LAMA3: variants seen among roughly 807,000 people sequenced by gnomAD.
LAMA3 encodes laminin subunit alpha 3.
A neutral mutation model predicts 402.0 loss-of-function variants in LAMA3; 281 were observed. The observed-to-expected ratio is 0.70, with a 90% CI of 0.63 to 0.77. The LOEUF is 0.77. Ranked by LOEUF, LAMA3 falls within the 30% of genes least tolerant of loss-of-function variation. The pLI is 0.00. For synonymous variants in LAMA3, 1,431 were observed against 1,558.4 expected, an observed-to-expected ratio of 0.92 and a Z score of 1.93; for missense variants, 3,840 against 4,215.5, an observed-to-expected ratio of 0.91 and a Z score of 2.47.
At position 23,861,825 on chromosome 18, in the gene LAMA3, T is replaced by C; in HGVS notation, c.4584+18T>C. 1.2e-6 allele frequency: 2 copies of C among 1,606,560 alleles called. No individual in the cohort carries two copies. Among genetic ancestry groups the C allele is most frequent in the Non-Finnish European group, 1.7e-6 (2 of 1,175,942 alleles). Reference sequence around the variant, plus strand: ...GGGACAAGGTAATGATGTCCTGCTGTTCTTCTGGGCCCTCAGTGGGCCTCT... The same window carrying C: ...GGGACAAGGTAATGATGTCCTGCTGCTCTTCTGGGCCCTCAGTGGGCCTCT... On this transcript the variant is annotated intron_variant, in intron 35 of 74. Coordinates refer to ENST00000313654, the MANE Select transcript of LAMA3 (RefSeq NM_198129.4).
intron 6 of LAMA3, among the ~76,000 whole-genome samples, chr18:23,756,616 G>A (rs954359551): frequency 1.3e-5 from 2 of 152,172 alleles, no homozygotes; most frequent in African/African-American, 4.8e-5. Context: ...TTATCTCTGA[G>A]CACCAGTATC....
At chr18:23,708,926 TA>T (rs34486071) in intron 1 of LAMA3, among the ~76,000 whole-genome samples, 9,327 of 141,068 alleles carry the variant, frequency 0.066, 583 homozygotes, top group Admixed American at 0.18. Context: ...CCTGGCTAAT[TA>T]AAAAAAAAAA....
rs563500063 is a variant in LAMA3, at chr18:23,875,324, A to G, written c.4999-970A>G. 1.6e-4 allele frequency among the ~76,000 whole-genome samples: 24 copies of G among 152,358 alleles called. No homozygotes were observed. In the East Asian group the frequency reaches 2.7e-3, roughly 17 times the overall value. ...ATTCTTAACTAGAATCCTTTTAAAA[A>G]GATATTAGTTCATGAAAAGAAAATT... is the stretch of plus-strand genomic sequence containing the variant. On this transcript the variant is annotated intron_variant, in intron 38 of 74. Transcript: ENST00000313654.
At chr18:23,849,856 A>G (rs2063905228) in intron 32 of LAMA3, among the ~76,000 whole-genome samples, 1 of 152,198 alleles carries the variant, frequency 6.6e-6, no homozygotes, top group Admixed American at 6.5e-5. Flanking sequence ...TAATAATCTA[A>G]TGGGATAACG....
At chr18:23,700,595 T>C (rs527724073) in intron 1 of LAMA3, among the ~76,000 whole-genome samples, 25 of 152,234 alleles carry the variant, frequency 1.6e-4, no homozygotes, top group Non-Finnish European at 3.4e-4. Flanking sequence ...GGTTTCATCA[T>C]CTGTAAAATG....
chr18:23,954,483 C>G lies in LAMA3; in HGVS notation c.9857-20C>G. ...ACAGTATGAATTATTTACTGAATGC[C>G]TCTCCACTTTCTCTTTCAGCCAATT... is the stretch of plus-strand genomic sequence containing the variant. On this transcript the variant is annotated intron_variant, in intron 74 of 74. Coordinates refer to ENST00000313654, the MANE Select transcript of LAMA3 (RefSeq NM_198129.4). 6.2e-7 allele frequency: 1 copy of G among 1,609,728 alleles called. No homozygotes were observed. The highest frequency in any genetic ancestry group is 1.1e-5 in the South Asian group (1 of 90,956).
At chr18:23,732,547 A>G (rs1278968387) in intron 2 of LAMA3, among the ~76,000 whole-genome samples, 1 of 152,078 alleles carries the variant, frequency 6.6e-6, no homozygotes, top group East Asian at 1.9e-4. Context: ...CCCTCGCGGA[A>G]CCACCCAGGG....
intron 12 of LAMA3, among the ~76,000 whole-genome samples, chr18:23,798,537 T>C (rs2062810454): frequency 6.6e-6 from 1 of 152,218 alleles, no homozygotes; most frequent in Non-Finnish European, 1.5e-5. Flanking sequence ...GTGATGCTCC[T>C]GGGAGAAGCT....
chr18:23,943,697 G>A (rs145537024), intron 68 of LAMA3, 91 bp from the exon 69 acceptor site: 19 of 1,148,542 alleles, frequency 1.7e-5, no homozygotes, highest in African/African-American at 1.4e-4. Flanking sequence ...AATGGGGGTT[G>A]GGTGTTTGCT....
Position 23,903,140 on chromosome 18 carries a change from T to A in LAMA3, c.6318+15T>A, listed in dbSNP as rs200366131. ...AAAGCCAGAAGGTAGAGGAAATAGT[T>A]GTTCTCTAGAAAAATCTAAAAACAT... On this transcript the variant is annotated intron_variant, in intron 49 of 74. Coordinates refer to ENST00000313654, the MANE Select transcript of LAMA3 (RefSeq NM_198129.4). 4.2e-5 allele frequency: 61 copies of A among 1,468,166 alleles called. No individual in the cohort carries two copies. The African/African-American group carries it at 6.1e-4, about 15-fold the overall frequency. The allele number at this position is 1,468,166 out of a possible 1,614,324, so 90.9% of individuals were successfully genotyped here.
chr18:23,749,349 G>T, intron 3 of LAMA3, 79 bp from the exon 4 acceptor site: 1 of 768,502 alleles, frequency 1.3e-6, no homozygotes, highest in Non-Finnish European at 2.2e-6. Context: ...ATTTTCTTAA[G>T]GAAACATAAG....
At position 23,833,844 on chromosome 18, in the gene LAMA3, G is replaced by A. The variant is rs369119520; in HGVS notation, c.2840G>A (p.Arg947Gln). 3.5e-5 allele frequency: 56 copies of A among 1,613,270 alleles called. No homozygotes were observed. Among genetic ancestry groups the A allele is most frequent in the African/African-American group, 2.0e-4 (15 of 75,020 alleles). The change falls in exon 24 of 75, where the codon CGG (arginine) becomes CAG (glutamine). Residue 947 changes from arginine to glutamine, a missense_variant. Physicochemically the swap from Arg to Gln is conservative, Grantham distance 43. Transcript: ENST00000313654. The stretch of plus-strand genomic sequence containing the variant: ...CTGTGACAGGTGGAATTGCATCTGC[G>A]GCTGCGCATCCCACAGGTTGGCCAC... ...LSGREVELHL[R>Q]LRIPQVGHYV...
At chr18:23,929,674 CT>C (rs2082107113) in intron 64 of LAMA3, among the ~76,000 whole-genome samples, 3 of 152,144 alleles carry the variant, frequency 2.0e-5, no homozygotes, top group Admixed American at 2.0e-4. Context: ...AAGGCCACCC[CT>C]CTCTTGGTGG....
At chr18:23,735,910 C>T (rs760883860) in intron 2 of LAMA3, among the ~76,000 whole-genome samples, 12 of 152,126 alleles carry the variant, frequency 7.9e-5, no homozygotes, top group Non-Finnish European at 1.5e-4. Flanking sequence ...TCAGCAACTA[C>T]AACCTGCATC....
chr18:23,707,988 C>T (rs1421609354), intron 1 of LAMA3, among the ~76,000 whole-genome samples: 1 of 152,192 alleles, frequency 6.6e-6, no homozygotes, highest in Non-Finnish European at 1.5e-5. Context: ...AGAAACCTTT[C>T]CTTGCTCTCA....
At chr18:23,876,032 C>T (rs1369242904) in intron 38 of LAMA3, among the ~76,000 whole-genome samples, 8 of 152,120 alleles carry the variant, frequency 5.3e-5, no homozygotes, top group South Asian at 2.1e-4. Flanking sequence ...ATGCCTCAGC[C>T]GGGCTCAGTG....
chr18:23,708,957 G>C (rs1221184017), intron 1 of LAMA3, among the ~76,000 whole-genome samples: 2 of 150,198 alleles, frequency 1.3e-5, no homozygotes, highest in African/African-American at 4.9e-5. Context: ...TTCTTGCTAT[G>C]TTGCCCAGGC....
In LAMA3 at chr18:23,749,429, T is replaced by C; in HGVS notation, c.567T>C (p.His189=). The part of the protein sequence containing the change: ...STYSPWQYFA[H]SKVDCLKEFG... ...AATATTAAAATATTTTCCTTCTAGA[T>C]TCTAAAGTAGACTGTTTAAAAGAAT... The change falls in exon 4 of 75, where the codon CAT becomes CAC. Residue 189 remains histidine, a splice_region_variant and synonymous_variant. Coordinates refer to ENST00000313654, the MANE Select transcript of LAMA3 (RefSeq NM_198129.4). The C allele has an allele frequency of 1.3e-6, 2 of 1,511,814 alleles. No homozygotes were observed. The highest frequency in any genetic ancestry group is 9.2e-7 in the Non-Finnish European group (1 of 1,090,176). 93.6% of individuals were successfully genotyped at this position (1,511,814 alleles called of 1,614,324 possible). A position where few individuals can be genotyped will look rare whatever the true frequency, so the allele number is the denominator to read the frequency against.
At chr18:23,856,816 A>C (rs1178897045) in intron 32 of LAMA3, among the ~76,000 whole-genome samples, 1 of 152,076 alleles carries the variant, frequency 6.6e-6, no homozygotes, top group Non-Finnish European at 1.5e-5. Context: ...AGAATCTTAC[A>C]GTTCCCAGAA....
Sources: allele counts gnomAD v4.1 joint callset (sites outside exome capture counted in the v4.1 genomes callset), GRCh38; gene constraint gnomAD v4.1.1; transcripts MANE v1.5; gene names NCBI Gene and HGNC (gene_info 2026-07-23, HGNC 2026-07-21).